The following ADAM10 variants were observed in gnomAD, a reference collection of about 807,000 sequenced individuals.
ADAM10 encodes the protein ADAM metallopeptidase domain 10.
ADAM10 carries 17 observed loss-of-function variants against 90.1 expected under a neutral mutation model. That is an observed-to-expected ratio of 0.19 (90% CI 0.13 to 0.28). ADAM10 has a LOEUF of 0.28. ADAM10 is among the 10% of genes least tolerant of loss of function. ADAM10 has a pLI of 1.00. For synonymous variants in ADAM10, 310 were observed against 298.6 expected, an observed-to-expected ratio of 1.04 and a Z score of -0.40; for missense variants, 610 against 914.3, an observed-to-expected ratio of 0.67 and a Z score of 4.29.
In ADAM10 at chr15:58,647,293, C is replaced by G. The variant is rs1397858396; in HGVS notation, c.586-1089G>C. Among the ~76,000 whole-genome samples, 3 of 52,692 alleles carry G rather than the reference C, an allele frequency of 5.7e-5. No individual in the cohort carries two copies. The Admixed American group carries it at 8.3e-4, about 15-fold the overall frequency. The allele number at this position is 52,692 out of a possible 152,430, so 34.6% of individuals were successfully genotyped here. ...TTTTTTTTTTTGAGACAGAGTCTCA[C>G]TCTGTTGCCCAGGATGGAGTGCAGT... On this transcript the variant is annotated intron_variant, in intron 5 of 15. Coordinates refer to ENST00000260408, the MANE Select transcript of ADAM10 (RefSeq NM_001110.4).
In ADAM10 at chr15:58,590,528, CAAGGAGGAGGA is replaced by C. The variant is rs1187555686; in HGVS notation, c.*7008_*7018del. On this transcript the variant is annotated 3_prime_UTR_variant, in exon 16 of 16. Coordinates refer to ENST00000260408, the MANE Select transcript of ADAM10 (RefSeq NM_001110.4). ...ATTTCAAACATGCTCTGATATGTTT[CAAGGAGGAGGA>C]AAGGAGGAGAAAGAGGAAAATGGTT... The C allele has an allele frequency of 6.6e-6, 1 of 152,126 alleles. No homozygotes were observed. The highest frequency in any genetic ancestry group is 1.5e-5 in the Non-Finnish European group (1 of 68,028). 9.4% of individuals were successfully genotyped at this position (152,126 alleles called of 1,614,324 possible). A position where few individuals can be genotyped will look rare whatever the true frequency, so the allele number is the denominator to read the frequency against.
At chr15:58,603,649 T>A (rs1270197785) in intron 14 of ADAM10, among the ~76,000 whole-genome samples, 1 of 152,062 alleles carries the variant, frequency 6.6e-6, no homozygotes, top group Non-Finnish European at 1.5e-5. Flanking sequence ...ACCATGTTAC[T>A]CCTTCATGTC....
intron 8 of ADAM10, among the ~76,000 whole-genome samples, chr15:58,634,718 T>C (rs1896201869): frequency 6.6e-6 from 1 of 152,196 alleles, no homozygotes; most frequent in Admixed American, 6.5e-5. Flanking sequence ...TTTTCCCTAT[T>C]TGATTTTTAA....
intron 10 of ADAM10, among the ~76,000 whole-genome samples, chr15:58,621,984 A>C (rs1895800819): frequency 6.6e-6 from 1 of 152,114 alleles, no homozygotes; most frequent in Non-Finnish European, 1.5e-5. Context: ...AAAAAAAAAA[A>C]TTAAGCCTTT....
At chr15:58,694,626 C>G (rs1897925026) in intron 2 of ADAM10, among the ~76,000 whole-genome samples, 1 of 151,992 alleles carries the variant, frequency 6.6e-6, no homozygotes, top group Non-Finnish European at 1.5e-5. Context: ...ACACAAATAA[C>G]TGAACACAAA....
chr15:58,613,955 CCAAT>C (rs1464322164), intron 11 of ADAM10, among the ~76,000 whole-genome samples: 3 of 152,016 alleles, frequency 2.0e-5, no homozygotes, highest in Admixed American at 6.6e-5. Context: ...ATCTCTGCAA[CCAAT>C]CAATCAATCA....
chr15:58,612,075 A>C (rs1895455081), intron 11 of ADAM10, 84 bp from the exon 12 acceptor site: 4 of 1,312,488 alleles, frequency 3.0e-6, no homozygotes, highest in South Asian at 2.5e-5. Flanking sequence ...GATCCACATT[A>C]TTAGACATAG....
intron 5 of ADAM10, among the ~76,000 whole-genome samples, chr15:58,661,660 T>C (rs1896970175): frequency 6.6e-6 from 1 of 152,180 alleles, no homozygotes; most frequent in Admixed American, 6.5e-5. Context: ...ACGTGTTTCA[T>C]TGAGTTTCTT....
intron 14 of ADAM10, among the ~76,000 whole-genome samples, chr15:58,608,759 A>G (rs1268384896): frequency 1.3e-5 from 2 of 152,232 alleles, no homozygotes; most frequent in Admixed American, 6.5e-5. Context: ...TGTCTATTAA[A>G]TATTTTTAAA....
chr15:58,746,620 C>G (rs917121433), intron 1 of ADAM10, among the ~76,000 whole-genome samples: 1 of 152,072 alleles, frequency 6.6e-6, no homozygotes, highest in Non-Finnish European at 1.5e-5. Context: ...TGTCTTAAGA[C>G]AAGGAATTGG....
At chr15:58,745,467 A>G (rs1899760522) in intron 1 of ADAM10, among the ~76,000 whole-genome samples, 1 of 152,206 alleles carries the variant, frequency 6.6e-6, no homozygotes, top group African/African-American at 2.4e-5. Flanking sequence ...AGAGACTGTA[A>G]CGATCATTCT....
intron 4 of ADAM10, among the ~76,000 whole-genome samples, chr15:58,667,235 T>G (rs1221680721): frequency 6.6e-6 from 1 of 152,188 alleles, no homozygotes; most frequent in East Asian, 1.9e-4. Context: ...GCCAGCCTCT[T>G]GCTTTTGTTT....
rs539184449 is a variant in ADAM10 at position 58,718,889 on chromosome 15, G to A, written c.56-1162C>T. Among the ~76,000 whole-genome samples, 7 of 152,254 alleles carry A rather than the reference G, an allele frequency of 4.6e-5. No homozygotes were observed. The East Asian group carries it at 1.4e-3, about 29-fold the overall frequency. On this transcript the variant is annotated intron_variant, in intron 1 of 15. Transcript: ENST00000260408. The stretch of plus-strand genomic sequence containing the variant: ...CAGCTTCATCTCTTCAACTGAGGAA[G>A]TTCCCTGGACTCTACCTAGGTTCCC...
intron 4 of ADAM10, among the ~76,000 whole-genome samples, chr15:58,667,126 G>A (rs532444793): frequency 6.6e-6 from 1 of 152,196 alleles, no homozygotes; most frequent in East Asian, 1.9e-4. Flanking sequence ...AGGCCAAACA[G>A]CATATTCTTT....
chr15:58,620,148 G>C (rs1190723855), intron 11 of ADAM10, among the ~76,000 whole-genome samples: 1 of 151,924 alleles, frequency 6.6e-6, no homozygotes, highest in Non-Finnish European at 1.5e-5. Flanking sequence ...AATCAAACTA[G>C]GATATACAGA....
chr15:58,674,956 G>A (rs1409596522), intron 4 of ADAM10, among the ~76,000 whole-genome samples: 4 of 152,206 alleles, frequency 2.6e-5, no homozygotes, highest in Non-Finnish European at 5.9e-5. Context: ...TTGGGAGGCC[G>A]AGGCGGGCGG....
intron 4 of ADAM10, chr15:58,676,230 G>A: frequency 6.6e-6 from 3 of 451,956 alleles, no homozygotes; most frequent in Non-Finnish European, 1.3e-5. Flanking sequence ...AGAGCACAGG[G>A]TAAAGAACAG....
intron 9 of ADAM10, among the ~76,000 whole-genome samples, chr15:58,631,700 G>A (rs186542678): frequency 6.6e-6 from 1 of 152,304 alleles, no homozygotes; most frequent in African/African-American, 2.4e-5. Flanking sequence ...CCCTGGTAAG[G>A]CCTGGAACCA....
chr15:58,594,832 T>G lies in ADAM10; in HGVS notation c.*2715A>C, dbSNP rs1894908805. ...ATAATATACATTTGATGCTCCTAAA[T>G]TAACAAAGTAATTCACAAAGTATTA... On this transcript the variant is annotated 3_prime_UTR_variant, in exon 16 of 16. Coordinates refer to ENST00000260408, the MANE Select transcript of ADAM10 (RefSeq NM_001110.4). The G allele has an allele frequency of 6.6e-6, 1 of 152,162 alleles. No homozygotes were observed. The highest frequency in any genetic ancestry group is 2.4e-5 in the African/African-American group (1 of 41,446). 9.4% of individuals were successfully genotyped at this position (152,162 alleles called of 1,614,324 possible).
Sources: allele counts gnomAD v4.1 joint callset (sites outside exome capture counted in the v4.1 genomes callset), GRCh38; gene constraint gnomAD v4.1.1; transcripts MANE v1.5; gene names NCBI Gene and HGNC (gene_info 2026-07-23, HGNC 2026-07-21).